The following SLC14A2 variants were observed in gnomAD, a reference collection of about 807,000 sequenced individuals.
SLC14A2 encodes urea transporter 2.
In SLC14A2, 91 loss-of-function variants were observed where a neutral mutation model predicts 104.6. The observed-to-expected ratio is 0.87, with a 90% CI of 0.73 to 1.04. The LOEUF (loss-of-function observed/expected upper bound fraction) is 1.04, where lower values mean the gene tolerates loss of function less well. Among genes scored for constraint, SLC14A2 ranks in the 50% least tolerant of loss-of-function variants. SLC14A2 has a pLI of 0.00. For synonymous variants in SLC14A2, 476 were observed against 466.4 expected (o/e 1.02, Z -0.27); for missense variants, 1,189 against 1,156.0 (o/e 1.03, Z -0.41).
At chr18:45,231,378 T>A (rs1378549659) in intron 1 of SLC14A2, among the ~76,000 whole-genome samples, 3 of 152,074 alleles carry the variant, frequency 2.0e-5, no homozygotes, top group Non-Finnish European at 4.4e-5. Context: ...AATTTTTTAT[T>A]TTTTTGTAGA....
chr18:45,180,159 A>G, the SLC14A2 span, among the ~76,000 whole-genome samples: 1 of 152,098 alleles, frequency 6.6e-6, no homozygotes, highest in East Asian at 1.9e-4. Flanking sequence ...AAAAAGAGAA[A>G]AAAACAAACA....
chr18:45,204,160 TAAA>T, the SLC14A2 span, among the ~76,000 whole-genome samples: 1 of 152,112 alleles, frequency 6.6e-6, no homozygotes, highest in Admixed American at 6.5e-5. Context: ...AGAGTGGTAA[TAAA>T]AAAATCTAAG....
intron 1 of SLC14A2, among the ~76,000 whole-genome samples, chr18:45,439,580 C>A (rs74828619): frequency 0.012 from 1,839 of 152,246 alleles, 26 homozygotes; most frequent in South Asian, 0.073. Flanking sequence ...TCTTATGATG[C>A]TCACAGTCTA....
intron 8 of SLC14A2, among the ~76,000 whole-genome samples, chr18:45,641,751 T>A (rs2045532128): frequency 6.6e-6 from 1 of 152,260 alleles, no homozygotes; most frequent in East Asian, 1.9e-4. Flanking sequence ...AGGAGAGAAG[T>A]AATTGCACAA....
chr18:45,452,133 C>G (rs2086868257), intron 1 of SLC14A2, among the ~76,000 whole-genome samples: 1 of 152,148 alleles, frequency 6.6e-6, no homozygotes. Context: ...AAGAGACACT[C>G]TCAAGTTCTG....
chr18:45,474,888 T>C (rs2087328328), intron 1 of SLC14A2, among the ~76,000 whole-genome samples: 1 of 152,176 alleles, frequency 6.6e-6, no homozygotes, highest in Non-Finnish European at 1.5e-5. Flanking sequence ...TCAATTCTGC[T>C]CTGATCTTAG....
chr18:45,593,320 A>G (rs1353592131), intron 2 of SLC14A2, among the ~76,000 whole-genome samples: 1 of 148,836 alleles, frequency 6.7e-6, no homozygotes, highest in East Asian at 2.0e-4. Context: ...CCGTCTCACA[A>G]AAAAAAAAGT....
chr18:45,413,397 G>A (rs2086235814), intron 1 of SLC14A2, among the ~76,000 whole-genome samples: 1 of 152,168 alleles, frequency 6.6e-6, no homozygotes, highest in Non-Finnish European at 1.5e-5. Flanking sequence ...GTTGCAATAT[G>A]ATGAGGAGGC....
chr18:45,484,175 T>A (rs550733564), intron 2 of SLC14A2, among the ~76,000 whole-genome samples: 4 of 152,296 alleles, frequency 2.6e-5, no homozygotes, highest in South Asian at 2.1e-4. Context: ...CTGAGTTGTA[T>A]GTTAGGTCCT....
chr18:45,643,963 G>A, intron 9 of SLC14A2, 23 bp from the exon 10 acceptor site: 1 of 1,609,424 alleles, frequency 6.2e-7, no homozygotes, highest in Non-Finnish European at 8.5e-7. Flanking sequence ...AACTTCTTCA[G>A]TCCCCAATGC....
rs183086315 is a variant in SLC14A2, at chr18:45,268,712, T to C, written c.-125+55521T>C. On this transcript the variant is annotated intron_variant, in intron 1 of 20. Transcript: ENST00000586448. ...TGGTAAAAAGTCTGGACTGCAGGCA[T>C]TTCATCTGTTGAATGGAGAAGGGTA... Among the ~76,000 whole-genome samples the C allele has an allele frequency of 7.7e-4, 118 of 152,316 alleles. 1 individual carries two copies. In the Middle Eastern group the frequency reaches 0.027, roughly 35 times the overall value.
At chr18:45,390,715 A>G (rs957513393) in intron 1 of SLC14A2, among the ~76,000 whole-genome samples, 18 of 152,166 alleles carry the variant, frequency 1.2e-4, no homozygotes, top group African/African-American at 4.3e-4. Context: ...AAAGGGAATG[A>G]TCACAATTGC....
At chr18:45,566,891 C>T (rs1011887009) in intron 2 of SLC14A2, among the ~76,000 whole-genome samples, 4 of 151,982 alleles carry the variant, frequency 2.6e-5, no homozygotes, top group African/African-American at 9.7e-5. Flanking sequence ...GGGGTGTGCA[C>T]GTGTGCTTGT....
At chr18:45,203,648 C>T in the SLC14A2 span, among the ~76,000 whole-genome samples, 10 of 152,160 alleles carry the variant, frequency 6.6e-5, no homozygotes, top group African/African-American at 2.4e-4. Context: ...CTTTTGGTGG[C>T]ATGGAGAAAT....
chr18:45,667,984 C>A lies in SLC14A2; in HGVS notation c.1869C>A (p.Ile623=). The A allele has an allele frequency of 6.2e-7, 1 of 1,614,158 alleles. No homozygotes were observed. The highest frequency in any genetic ancestry group is 8.5e-7 in the Non-Finnish European group (1 of 1,180,022). The change falls in exon 14 of 20, where the codon ATC becomes ATA. Residue 623 remains isoleucine, a synonymous_variant. Transcript: ENST00000255226. ...WWAISGCLGT[I]MSTLTALILS... ...CGATCTCAGGCTGCCTGGGTACCAT[C>A]ATGTCCACCTTGACAGCCCTCATCC...
At chr18:45,391,078 C>G (rs972527423) in intron 1 of SLC14A2, among the ~76,000 whole-genome samples, 11 of 152,096 alleles carry the variant, frequency 7.2e-5, no homozygotes, top group East Asian at 3.9e-4. Context: ...CTCCCTCCCC[C>G]CTCCACCCAC....
chr18:45,349,222 GA>G (rs560732950), intron 1 of SLC14A2, among the ~76,000 whole-genome samples: 65 of 152,298 alleles, frequency 4.3e-4, no homozygotes, highest in African/African-American at 1.5e-3. Flanking sequence ...TTCACTTGAT[GA>G]AAAACACATG....
At chr18:45,258,632 T>A (rs1006192343) in intron 1 of SLC14A2, among the ~76,000 whole-genome samples, 1 of 143,400 alleles carries the variant, frequency 7.0e-6, no homozygotes, top group African/African-American at 2.7e-5. Context: ...CAAATTATAT[T>A]GATCAATTGA....
At chr18:45,293,192 T>A (rs2084886967) in intron 1 of SLC14A2, among the ~76,000 whole-genome samples, 1 of 152,198 alleles carries the variant, frequency 6.6e-6, no homozygotes, top group Non-Finnish European at 1.5e-5. Flanking sequence ...TTTTTTGACG[T>A]GCAAAACACT....
Sources: allele counts gnomAD v4.1 joint callset (sites outside exome capture counted in the v4.1 genomes callset), GRCh38; gene constraint gnomAD v4.1.1; transcripts MANE v1.5; gene names NCBI Gene and HGNC (gene_info 2026-07-23, HGNC 2026-07-21).